Variants in USP37 observed in about 807,000 individuals in gnomAD.
The protein encoded by USP37 is ubiquitin specific peptidase 37.
Under a neutral mutation model 124.0 loss-of-function variants are expected in USP37, and 27 were observed. The observed-to-expected ratio is 0.22, with a 90% CI of 0.16 to 0.30. The LOEUF (loss-of-function observed/expected upper bound fraction) is 0.30, where lower values mean the gene tolerates loss of function less well. Among genes scored for constraint, USP37 ranks in the 10% least tolerant of loss-of-function variants. The pLI is 1.00. For missense variants in USP37, 889 were observed against 1,140.4 expected (o/e 0.78, Z 3.17); for synonymous variants, 365 against 388.0 (o/e 0.94, Z 0.70).
chr2:218,528,104 A>G (rs1209619481), intron 10 of USP37, among the ~76,000 whole-genome samples: 2 of 152,186 alleles, frequency 1.3e-5, no homozygotes, highest in Non-Finnish European at 2.9e-5. Flanking sequence ...TGGGAGGCTG[A>G]GGCAGGCTAA....
At chr2:218,563,769 A>T (rs1453690710) in intron 1 of USP37, among the ~76,000 whole-genome samples, 1 of 152,150 alleles carries the variant, frequency 6.6e-6, no homozygotes, top group Non-Finnish European at 1.5e-5. Flanking sequence ...AGAAGCTCCT[A>T]GAGGCCAGGC....
chr2:218,466,300 T>C, intron 20 of USP37, 124 bp from the exon 21 acceptor site: 3 of 1,092,172 alleles, frequency 2.7e-6, no homozygotes. Context: ...GCTTAGGACA[T>C]ACAATTTCAC....
chr2:218,482,259 T>C (rs755487090), intron 16 of USP37, 25 bp from the exon 17 acceptor site: 1 of 1,597,936 alleles, frequency 6.3e-7, no homozygotes, highest in South Asian at 1.1e-5. Flanking sequence ...ATGACAACCT[T>C]ACTAATTCAT....
intron 14 of USP37, among the ~76,000 whole-genome samples, chr2:218,493,493 T>G (rs1688907783): frequency 2.0e-5 from 3 of 152,018 alleles, no homozygotes; most frequent in African/African-American, 7.2e-5. Context: ...TTTTTTGAGA[T>G]GGAGTCTTGC....
chr2:218,544,420 TATATATATATAG>T (rs1484390541), intron 8 of USP37, among the ~76,000 whole-genome samples: 60 of 53,324 alleles, frequency 1.1e-3, no homozygotes, highest in Admixed American at 2.6e-3. Flanking sequence ...TATATATATA[TATATATATATAG>T]AGAGAGAGAG....
chr2:218,543,901 G>A (rs1157024306), intron 8 of USP37, among the ~76,000 whole-genome samples: 1 of 152,156 alleles, frequency 6.6e-6, no homozygotes, highest in Non-Finnish European at 1.5e-5. Context: ...GAAACCATGG[G>A]ATAAAAATAT....
intron 1 of USP37, among the ~76,000 whole-genome samples, chr2:218,566,903 G>T (rs553169603): frequency 6.6e-6 from 1 of 152,264 alleles, no homozygotes; most frequent in East Asian, 1.9e-4. Context: ...AATAAACTGG[G>T]ACACTGGAGA....
intron 10 of USP37, among the ~76,000 whole-genome samples, chr2:218,528,967 G>T (rs146668798): frequency 2.6e-5 from 4 of 152,110 alleles, no homozygotes; most frequent in African/African-American, 9.6e-5. Flanking sequence ...TTAAAATGTA[G>T]CTTAACAAAT....
intron 13 of USP37, 78 bp downstream of exon 13, chr2:218,497,656 G>T: frequency 6.4e-7 from 1 of 1,571,740 alleles, no homozygotes. Context: ...GCCCACCTAG[G>T]CCTCCCAAAG....
At chr2:218,567,441 C>T (rs1013605930) in intron 1 of USP37, among the ~76,000 whole-genome samples, 6 of 152,302 alleles carry the variant, frequency 3.9e-5, no homozygotes, top group African/African-American at 1.4e-4. Context: ...AACACATACA[C>T]ACACCGCGCA....
At chr2:218,526,134 T>C (rs1050942300) in intron 10 of USP37, among the ~76,000 whole-genome samples, 3 of 152,268 alleles carry the variant, frequency 2.0e-5, no homozygotes, top group African/African-American at 7.2e-5. Context: ...TTGTGAATAG[T>C]GCTGCAGTGA....
At chr2:218,550,223 T>C (rs1692588335) in intron 5 of USP37, among the ~76,000 whole-genome samples, 1 of 152,076 alleles carries the variant, frequency 6.6e-6, no homozygotes, top group Non-Finnish European at 1.5e-5. Context: ...AATAACACTA[T>C]GGAAAAGTCA....
chr2:218,491,237 A>G (rs1248597948), intron 14 of USP37, among the ~76,000 whole-genome samples: 1 of 152,174 alleles, frequency 6.6e-6, no homozygotes, highest in Non-Finnish European at 1.5e-5. Flanking sequence ...AGCAAGATGT[A>G]TACTTCCTAC....
Position 218,453,071 on chromosome 2 carries a change from G to C in USP37, c.*1859C>G, listed in dbSNP as rs1435191666. The C allele has an allele frequency of 6.6e-6, 1 of 152,186 alleles. No homozygotes were observed. Among genetic ancestry groups the C allele is most frequent in the African/African-American group, 2.4e-5 (1 of 41,434 alleles). 9.4% of individuals were successfully genotyped at this position (152,186 alleles called of 1,614,324 possible). On this transcript the variant is annotated 3_prime_UTR_variant, in exon 26 of 26. Coordinates refer to ENST00000258399, the MANE Select transcript of USP37 (RefSeq NM_020935.3). The stretch of plus-strand genomic sequence containing the variant: ...AATAAGGTATATAGGTAGATGGTAG[G>C]AGGCAAAGCATTTATCAGTAGTTGA...
chr2:218,551,459 T>C (rs546999689), intron 5 of USP37, among the ~76,000 whole-genome samples: 1 of 152,370 alleles, frequency 6.6e-6, no homozygotes, highest in South Asian at 2.1e-4. Flanking sequence ...GAAATCAAGG[T>C]GATACTTTCA....
At chr2:218,456,507 C>T (rs1024010135) in intron 24 of USP37, among the ~76,000 whole-genome samples, 1 of 150,424 alleles carries the variant, frequency 6.6e-6, no homozygotes, top group Admixed American at 6.7e-5. Context: ...TGTATATACA[C>T]AGAGAATCAA....
chr2:218,498,221 T>C (rs1689175433), intron 11 of USP37, 64 bp from the exon 12 acceptor site: 3 of 1,465,916 alleles, frequency 2.0e-6, no homozygotes, highest in East Asian at 2.4e-5. Flanking sequence ...TTCAGTATAG[T>C]AGGAGTTCTC....
intron 8 of USP37, among the ~76,000 whole-genome samples, chr2:218,536,069 G>GTT: frequency 6.9e-6 from 1 of 145,184 alleles, no homozygotes; most frequent in Non-Finnish European, 1.5e-5. Flanking sequence ...AATCAAAACT[G>GTT]TGTATTCCAC....
chr2:218,486,669 T>A (rs529464105), intron 15 of USP37, among the ~76,000 whole-genome samples: 1 of 89,938 alleles, frequency 1.1e-5, no homozygotes, highest in Admixed American at 1.1e-4. Context: ...GTGATTGGCC[T>A]CCCTTGGCCT....
Sources: gnomAD v4.1 joint callset for allele counts (sites outside exome capture counted in the v4.1 genomes callset) on GRCh38, gnomAD v4.1.1 for gene constraint, MANE v1.5 for transcripts, NCBI Gene and HGNC (gene_info 2026-07-23, HGNC 2026-07-21) for gene names.